NRXN3: variants seen among roughly 807,000 people sequenced by gnomAD.
NRXN3 encodes the protein neurexin 3, also known as neurexin III.
NRXN3 carries 32 observed loss-of-function variants against 137.6 expected under a neutral mutation model. The ratio of observed to expected loss-of-function variants is 0.23; its 90% CI spans 0.18 to 0.31. The LOEUF (loss-of-function observed/expected upper bound fraction) is 0.31, where lower values mean the gene tolerates loss of function less well. Among genes scored for constraint, NRXN3 ranks in the 10% least tolerant of loss-of-function variants. The pLI, the probability that NRXN3 is intolerant of heterozygous loss-of-function variation, is 1.00. For synonymous variants in NRXN3, 798 were observed against 784.5 expected (o/e 1.02, Z -0.29); for missense variants, 1,574 against 2,062.5 (o/e 0.76, Z 4.59).
chr14:78,747,730 C>CA (rs1286317353), intron 8 of NRXN3, among the ~76,000 whole-genome samples: 1 of 151,464 alleles, frequency 6.6e-6, no homozygotes, highest in African/African-American at 2.4e-5. Flanking sequence ...TGCAATTTTT[C>CA]AAAAATCTCC....
chr14:79,213,187 A>G (rs2067958217), intron 15 of NRXN3, among the ~76,000 whole-genome samples: 1 of 152,138 alleles, frequency 6.6e-6, no homozygotes, highest in Admixed American at 6.6e-5. Context: ...AGTATACTTA[A>G]GAAGAGGAAA....
intron 19 of NRXN3, among the ~76,000 whole-genome samples, chr14:79,699,486 G>C (rs2098746933): frequency 1.3e-5 from 2 of 151,954 alleles, no homozygotes; most frequent in Admixed American, 1.3e-4. Flanking sequence ...AATTTTCACT[G>C]ACCTTGAGAT....
At chr14:79,302,760 G>A (rs2085358910) in intron 15 of NRXN3, among the ~76,000 whole-genome samples, 1 of 151,850 alleles carries the variant, frequency 6.6e-6, no homozygotes, top group Non-Finnish European at 1.5e-5. Flanking sequence ...GATATGCCTT[G>A]GTTTTCCCTC....
At chr14:78,747,783 G>T (rs2098618268) in intron 8 of NRXN3, among the ~76,000 whole-genome samples, 1 of 152,110 alleles carries the variant, frequency 6.6e-6, no homozygotes, top group Admixed American at 6.6e-5. Flanking sequence ...TAACTAACTT[G>T]TAGACAATTT....
chr14:78,452,487 A>G (rs1013455409), intron 4 of NRXN3, among the ~76,000 whole-genome samples: 1 of 152,210 alleles, frequency 6.6e-6, no homozygotes, highest in Admixed American at 6.5e-5. Context: ...TCAAGATTTC[A>G]TGCCTTAGGA....
intron 19 of NRXN3, among the ~76,000 whole-genome samples, chr14:79,733,400 C>T (rs957246847): frequency 2.0e-5 from 3 of 152,046 alleles, no homozygotes; most frequent in Non-Finnish European, 4.4e-5. Flanking sequence ...TTTGGGAAAC[C>T]GTTTTAATAA....
chr14:79,520,543 T>C (rs984789907), intron 16 of NRXN3, among the ~76,000 whole-genome samples: 4 of 152,198 alleles, frequency 2.6e-5, no homozygotes, highest in Non-Finnish European at 5.9e-5. Context: ...ATGCAGTGTT[T>C]AGTTTCTGTT....
intron 4 of NRXN3, among the ~76,000 whole-genome samples, chr14:78,397,897 C>T (rs556108750): frequency 1.3e-5 from 2 of 151,206 alleles, no homozygotes; most frequent in East Asian, 4.1e-4. Context: ...GAGCCACTGC[C>T]CCTGGCCTGA....
chr14:79,186,096 T>C (rs915736415), intron 15 of NRXN3, among the ~76,000 whole-genome samples: 8 of 152,216 alleles, frequency 5.3e-5, no homozygotes, highest in Non-Finnish European at 1.2e-4. Flanking sequence ...GGATAAAATG[T>C]TCTGATACAT....
At chr14:78,698,699 G>A (rs770744276) in intron 6 of NRXN3, among the ~76,000 whole-genome samples, 1 of 151,994 alleles carries the variant, frequency 6.6e-6, no homozygotes, top group Non-Finnish European at 1.5e-5. Context: ...TTCTGTTAGT[G>A]TTCTGCTGAG....
chr14:79,024,287 C>CT (rs2099594683), intron 15 of NRXN3, among the ~76,000 whole-genome samples: 1 of 152,148 alleles, frequency 6.6e-6, no homozygotes, highest in Admixed American at 6.5e-5. Flanking sequence ...TCCTTTCTCT[C>CT]TTTTTTTCTT....
chr14:78,874,658 T>C (rs1330214249), intron 10 of NRXN3, among the ~76,000 whole-genome samples: 5 of 152,176 alleles, frequency 3.3e-5, no homozygotes, highest in Non-Finnish European at 7.3e-5. Context: ...CAAGACAACA[T>C]CCTCGTTTTC....
At chr14:78,891,959 C>A (rs2099160210) in intron 10 of NRXN3, among the ~76,000 whole-genome samples, 1 of 151,896 alleles carries the variant, frequency 6.6e-6, no homozygotes, top group Non-Finnish European at 1.5e-5. Flanking sequence ...AGACAGAATT[C>A]TTTTCTGTTC....
intron 10 of NRXN3, among the ~76,000 whole-genome samples, chr14:78,888,969 T>C (rs1253154223): frequency 2.0e-5 from 3 of 151,862 alleles, no homozygotes; most frequent in Non-Finnish European, 4.4e-5. Context: ...TTTTTCAATG[T>C]ATTTTCTCAT....
At chr14:78,470,312 G>A in intron 4 of NRXN3, among the ~76,000 whole-genome samples, 1 of 152,174 alleles carries the variant, frequency 6.6e-6, no homozygotes, top group Non-Finnish European at 1.5e-5. Flanking sequence ...CTGAGGATGG[G>A]ACTCAGGCAT....
intron 8 of NRXN3, among the ~76,000 whole-genome samples, chr14:78,758,469 A>G (rs2098678755): frequency 6.6e-6 from 1 of 152,134 alleles, no homozygotes; most frequent in African/African-American, 2.4e-5. Flanking sequence ...ATGGAGAGAC[A>G]AAGCTTTCCT....
chr14:78,797,544 A>T lies in NRXN3; in HGVS notation c.2045-6076A>T, dbSNP rs548953132. On this transcript the variant is annotated intron_variant, in intron 8 of 20. Transcript: ENST00000335750. Reference sequence around the variant, plus strand: ...GATAATAAAATAATGAAATTTTAATACATATTGTATATGTCTATTCATCTA... The same window carrying T: ...GATAATAAAATAATGAAATTTTAATTCATATTGTATATGTCTATTCATCTA... Among the ~76,000 whole-genome samples the T allele has an allele frequency of 2.8e-4, 43 of 152,384 alleles. No homozygotes were observed. In the South Asian group the frequency reaches 8.7e-3, roughly 31 times the overall value.
chr14:79,815,838 A>G (rs946353474), intron 20 of NRXN3, among the ~76,000 whole-genome samples: 1 of 152,202 alleles, frequency 6.6e-6, no homozygotes, highest in Non-Finnish European at 1.5e-5. Context: ...CGTACACTAT[A>G]GACGTCAAGA....
intron 2 of NRXN3, among the ~76,000 whole-genome samples, chr14:78,265,398 C>A (rs547438171): frequency 6.6e-6 from 1 of 151,868 alleles, no homozygotes; most frequent in African/African-American, 2.4e-5. Flanking sequence ...GATGAGGTGA[C>A]GAGACAGATG....
Sources: allele counts gnomAD v4.1 joint callset (sites outside exome capture counted in the v4.1 genomes callset), GRCh38; gene constraint gnomAD v4.1.1; transcripts MANE v1.5; gene names NCBI Gene and HGNC (gene_info 2026-07-23, HGNC 2026-07-21).